The following RAD51B variants were observed in gnomAD, a reference collection of about 807,000 sequenced individuals.
The protein encoded by RAD51B is RAD51 paralog B, also known as DNA repair protein RAD51 homolog 2.
Under a neutral mutation model 42.2 loss-of-function variants are expected in RAD51B, and 38 were observed. The observed-to-expected ratio is 0.90, with a 90% CI of 0.70 to 1.18. The LOEUF is 1.18. Among genes scored for constraint, RAD51B ranks in the 50% most tolerant of loss-of-function variants. The pLI, the probability that RAD51B is intolerant of heterozygous loss-of-function variation, is 0.00. For synonymous variants in RAD51B, 154 were observed against 145.2 expected, an observed-to-expected ratio of 1.06 and a Z score of -0.43; for missense variants, 373 against 400.7, an observed-to-expected ratio of 0.93 and a Z score of 0.59.
chr14:67,900,948 A>ATAG (rs2043591504), intron 7 of RAD51B, among the ~76,000 whole-genome samples: 1 of 152,168 alleles, frequency 6.6e-6, no homozygotes, highest in Non-Finnish European at 1.5e-5. Flanking sequence ...TAGTTCAGCT[A>ATAG]GGTCCAAGTT....
Position 68,501,456 on chromosome 14 carries a change from C to T in RAD51B, c.1036+33206C>T, listed in dbSNP as rs1374324603. ...GAGGAGTGATGAGCTGCAGCCAAGG[C>T]CCCATGGAGCTTTGGTGAGGCAGCA... On this transcript the variant is annotated intron_variant, in intron 10 of 10. Coordinates refer to the RAD51B transcript ENST00000487270. Among the ~76,000 whole-genome samples, 6 of 152,174 alleles carry T rather than the reference C, an allele frequency of 3.9e-5. No individual in the cohort carries two copies. In the East Asian group the frequency reaches 1.2e-3, roughly 29 times the overall value.
chr14:68,149,830 A>G (rs2078337998), intron 7 of RAD51B: 1 of 152,282 alleles, frequency 6.6e-6, no homozygotes, highest in Non-Finnish European at 1.5e-5. Context: ...ACAACAGCCC[A>G]GAACTCCTGT....
At chr14:68,046,655 G>A (rs977543271) in intron 7 of RAD51B, among the ~76,000 whole-genome samples, 3 of 152,140 alleles carry the variant, frequency 2.0e-5, no homozygotes, top group East Asian at 1.9e-4. Context: ...AGGATCGCTC[G>A]AGCCCAGCAG....
chr14:68,561,085 C>T (rs1889123401), intron 10 of RAD51B, among the ~76,000 whole-genome samples: 1 of 152,170 alleles, frequency 6.6e-6, no homozygotes, highest in South Asian at 2.1e-4. Flanking sequence ...AGAAATATTG[C>T]CCTGCCTCCT....
intron 8 of RAD51B, among the ~76,000 whole-genome samples, chr14:68,378,058 T>C (rs1380254126): frequency 6.6e-6 from 1 of 152,174 alleles, no homozygotes; most frequent in Non-Finnish European, 1.5e-5. Context: ...AAGTCTCAAT[T>C]TTTCCCCTTT....
intron 7 of RAD51B, among the ~76,000 whole-genome samples, chr14:68,095,406 A>C (rs2077174697): frequency 6.6e-6 from 1 of 152,010 alleles, no homozygotes; most frequent in Non-Finnish European, 1.5e-5. Context: ...CTCTCTTGGG[A>C]TCATGCTTAA....
intron 7 of RAD51B, among the ~76,000 whole-genome samples, chr14:67,907,544 G>A (rs778770483): frequency 6.6e-6 from 1 of 152,068 alleles, no homozygotes; most frequent in Non-Finnish European, 1.5e-5. Flanking sequence ...GCTTGTTCAT[G>A]CCATTTTTTA....
intron 10 of RAD51B, among the ~76,000 whole-genome samples, chr14:68,471,043 G>T (rs1302417874): frequency 6.6e-6 from 1 of 152,180 alleles, no homozygotes; most frequent in African/African-American, 2.4e-5. Context: ...ACTTGGAAAG[G>T]TACCATCAGT....
intron 4 of RAD51B, among the ~76,000 whole-genome samples, chr14:67,860,568 A>T (rs1404071371): frequency 2.0e-5 from 3 of 152,196 alleles, no homozygotes; most frequent in Non-Finnish European, 4.4e-5. Context: ...TACATGTTAA[A>T]TTCTAGTTAA....
intron 7 of RAD51B, among the ~76,000 whole-genome samples, chr14:68,038,910 T>C (rs1338993733): frequency 5.9e-5 from 9 of 152,238 alleles, no homozygotes; most frequent in African/African-American, 2.2e-4. Context: ...TATTTGTGTC[T>C]CTTGTATCTG....
At chr14:68,679,818 A>C (rs183026515) in intron 11 of RAD51B, among the ~76,000 whole-genome samples, 1 of 152,210 alleles carries the variant, frequency 6.6e-6, no homozygotes, top group East Asian at 1.9e-4. Context: ...CTGATTGCCA[A>C]GTTGTAGGTG....
intron 8 of RAD51B, among the ~76,000 whole-genome samples, chr14:68,296,215 A>G (rs1162987702): frequency 2.0e-5 from 3 of 152,202 alleles, no homozygotes; most frequent in African/African-American, 4.8e-5. Flanking sequence ...AGAGCTGGAA[A>G]AGACTGTAGC....
intron 10 of RAD51B, among the ~76,000 whole-genome samples, chr14:68,590,556 G>A (rs149638024): frequency 1.8e-3 from 278 of 152,308 alleles, no homozygotes; most frequent in Non-Finnish European, 2.7e-3. Context: ...AAAGGTGCCT[G>A]GGGCTGGGAC....
chr14:68,276,091 G>A (rs2081218704), intron 7 of RAD51B, among the ~76,000 whole-genome samples: 1 of 152,104 alleles, frequency 6.6e-6, no homozygotes, highest in Admixed American at 6.5e-5. Flanking sequence ...TGAATCCCTG[G>A]TATAAATACC....
chr14:68,371,054 A>AAAAAAAAAAAAAAAAAAAAT lies in RAD51B; in HGVS notation c.854-40369_854-40368insAAAAAAAAAAAAAAAAAATA, dbSNP rs1416597098. Among the ~76,000 whole-genome samples the AAAAAAAAAAAAAAAAAAAAT allele has an allele frequency of 3.4e-5, 3 of 88,828 alleles. 1 individual carries two copies. The highest frequency in any genetic ancestry group is 4.8e-5 in the Non-Finnish European group (2 of 41,896). 58.3% of individuals were successfully genotyped at this position (88,828 alleles called of 152,430 possible). On this transcript the variant is annotated intron_variant, in intron 8 of 10. Coordinates refer to ENST00000471583, the MANE Select transcript of RAD51B (RefSeq NM_133510.4). ...TCTGTCTCAAAAAAAAAAAAAAAAA[A>AAAAAAAAAAAAAAAAAAAAT]AGAAAAAAAGAAAAGAAAATTAAAA... is the stretch of plus-strand genomic sequence containing the variant.
At chr14:68,529,488 G>A (rs1389419528) in intron 10 of RAD51B, among the ~76,000 whole-genome samples, 1 of 152,240 alleles carries the variant, frequency 6.6e-6, no homozygotes, top group Non-Finnish European at 1.5e-5. Context: ...AGCTGCTGAT[G>A]ATATATCTGA....
chr14:68,445,769 A>C (rs564789437), intron 9 of RAD51B, among the ~76,000 whole-genome samples: 1 of 152,330 alleles, frequency 6.6e-6, no homozygotes, highest in South Asian at 2.1e-4. Flanking sequence ...TATATTGGGA[A>C]ATCTATAATT....
chr14:67,826,012 G>A (rs1336190513), intron 3 of RAD51B, among the ~76,000 whole-genome samples: 2 of 152,182 alleles, frequency 1.3e-5, no homozygotes, highest in Non-Finnish European at 2.9e-5. Flanking sequence ...TTACAGGCGT[G>A]AGCCACCGTG....
chr14:68,090,835 A>G (rs949376892), intron 7 of RAD51B, among the ~76,000 whole-genome samples: 38 of 142,618 alleles, frequency 2.7e-4, no homozygotes, highest in African/African-American at 8.2e-4. Context: ...ATATCTCCCA[A>G]TGCTATCCCT....
Sources: allele counts gnomAD v4.1 joint callset (sites outside exome capture counted in the v4.1 genomes callset), GRCh38; gene constraint gnomAD v4.1.1; transcripts MANE v1.5; gene names NCBI Gene and HGNC (gene_info 2026-07-23, HGNC 2026-07-21).